The following TSHZ3 variants were observed in gnomAD, a reference collection of about 807,000 sequenced individuals.
TSHZ3 encodes teashirt homolog 3.
A neutral mutation model predicts 64.5 loss-of-function variants in TSHZ3; 10 were observed. The ratio of observed to expected loss-of-function variants is 0.16; its 90% CI spans 0.10 to 0.26. The LOEUF (loss-of-function observed/expected upper bound fraction) is 0.26. Among genes scored for constraint, TSHZ3 ranks in the 10% least tolerant of loss-of-function variants. The pLI is 1.00. For synonymous variants in TSHZ3, 608 were observed against 593.1 expected (o/e 1.03, Z -0.36); for missense variants, 1,242 against 1,421.7 (o/e 0.87, Z 2.03).
chr19:31,187,401 T>G (rs1262236784), intron 5 of TSHZ3, among the ~76,000 whole-genome samples: 3 of 14,028 alleles, frequency 2.1e-4, no homozygotes, highest in Admixed American at 1.5e-3. Context: ...TTAATCGTGT[T>G]TTTTTTTTTA....
intron 3 of TSHZ3, among the ~76,000 whole-genome samples, chr19:31,233,922 TG>T (rs1975573310): frequency 7.2e-6 from 1 of 139,364 alleles, no homozygotes; most frequent in African/African-American, 2.6e-5. Flanking sequence ...AGGGTAACTT[TG>T]TTAATTCCTA....
intron 4 of TSHZ3, among the ~76,000 whole-genome samples, chr19:31,212,112 C>T (rs1369117525): frequency 6.6e-6 from 1 of 151,482 alleles, no homozygotes; most frequent in Non-Finnish European, 1.5e-5. Flanking sequence ...AATGTTAGGG[C>T]AGTCCCTTAC....
chr19:31,187,288 A>C (rs1003922677), intron 5 of TSHZ3, among the ~76,000 whole-genome samples: 15 of 152,174 alleles, frequency 9.9e-5, no homozygotes, highest in Non-Finnish European at 4.4e-5. Context: ...TTTGAGGTTG[A>C]CTTCTTTCAC....
chr19:31,165,106 A>G (rs987034834), intron 5 of TSHZ3, among the ~76,000 whole-genome samples: 3 of 152,180 alleles, frequency 2.0e-5, no homozygotes, highest in African/African-American at 7.2e-5. Context: ...CCAGCCCCGG[A>G]ATCTCCGCTG....
chr19:31,259,774 G>C (rs1028313514), intron 1 of TSHZ3, among the ~76,000 whole-genome samples: 1 of 152,308 alleles, frequency 6.6e-6, no homozygotes, highest in South Asian at 2.1e-4. Context: ...GGGAAGAGGA[G>C]AGAATGGTGG....
exon 3 of TSHZ3, among the ~76,000 whole-genome samples, chr19:31,242,538 C>T (rs2068568306): frequency 1.3e-5 from 2 of 152,006 alleles, no homozygotes; most frequent in Non-Finnish European, 1.5e-5. Flanking sequence ...ACCTGGAGTT[C>T]TGATGTCCAA....
intron 1 of TSHZ3, among the ~76,000 whole-genome samples, chr19:31,336,353 T>G (rs377669791): frequency 6.6e-6 from 1 of 152,186 alleles, no homozygotes; most frequent in Non-Finnish European, 1.5e-5. Flanking sequence ...TTTCAGAATG[T>G]GACGCCAGGT....
intron 4 of TSHZ3, among the ~76,000 whole-genome samples, chr19:31,222,581 AG>A (rs1975405902): frequency 6.6e-6 from 1 of 152,190 alleles, no homozygotes; most frequent in Non-Finnish European, 1.5e-5. Flanking sequence ...CCATGCTCTC[AG>A]GAATATTTCA....
downstream of TSHZ3, among the ~76,000 whole-genome samples, chr19:31,270,833 T>G (rs118098137): frequency 0.021 from 3,245 of 152,324 alleles, 67 homozygotes; most frequent in South Asian, 0.087. Flanking sequence ...TTGTGGATGT[T>G]AATCTCTGGA....
intron 5 of TSHZ3, among the ~76,000 whole-genome samples, chr19:31,185,651 A>G (rs1288404981): frequency 6.6e-6 from 1 of 152,186 alleles, no homozygotes; most frequent in Non-Finnish European, 1.5e-5. Context: ...TCTTCCCCAG[A>G]GACACATTAT....
chr19:31,154,535 A>T (rs1410938947), intron 6 of TSHZ3, among the ~76,000 whole-genome samples: 11 of 152,240 alleles, frequency 7.2e-5, no homozygotes, highest in Non-Finnish European at 1.5e-4. Context: ...AAAATAAGCC[A>T]TGCAGACACT....
intron 1 of TSHZ3, among the ~76,000 whole-genome samples, chr19:31,313,314 A>G (rs1916512463): frequency 6.6e-6 from 1 of 152,232 alleles, no homozygotes; most frequent in South Asian, 2.1e-4. Flanking sequence ...GTTCATAAAT[A>G]TGCTAATAAA....
intron 1 of TSHZ3, among the ~76,000 whole-genome samples, chr19:31,243,644 C>T (rs1054671867): frequency 2.0e-5 from 3 of 152,084 alleles, no homozygotes; most frequent in African/African-American, 7.2e-5. Flanking sequence ...GATGCATGTC[C>T]CACCGACACA....
chr19:31,253,659 G>A (rs1975871653), intron 1 of TSHZ3, among the ~76,000 whole-genome samples: 1 of 152,074 alleles, frequency 6.6e-6, no homozygotes, highest in South Asian at 2.1e-4. Context: ...ATTGCACCCA[G>A]CTGCAAAATG....
At chr19:31,288,047 A>G (rs10410955) in intron 1 of TSHZ3, among the ~76,000 whole-genome samples, 49,036 of 151,988 alleles carry the variant, frequency 0.32, 10,640 homozygotes, top group African/African-American at 0.61. Context: ...CCATCCTCCC[A>G]CCTCAGCCTC....
chr19:31,182,981 T>G (rs1188089370), intron 5 of TSHZ3, among the ~76,000 whole-genome samples: 1 of 152,098 alleles, frequency 6.6e-6, no homozygotes, highest in Non-Finnish European at 1.5e-5. Flanking sequence ...CTCCATAATG[T>G]GGGTGGGCCT....
intron 1 of TSHZ3, among the ~76,000 whole-genome samples, chr19:31,246,946 C>G (rs1975764645): frequency 6.6e-6 from 1 of 151,728 alleles, no homozygotes; most frequent in Non-Finnish European, 1.5e-5. Flanking sequence ...AAATATGAGG[C>G]AAATTTAGCA....
In TSHZ3 at chr19:31,277,862, G is replaced by A; in HGVS notation, c.1931C>T (p.Ser644Phe). ...TTCCCCGACTTCGCTGCTACATGGG[G>A]AGGGAGTGGCCCGCTTGGGCGGGGA... ...KLSPPKRATP[S>F]PCSSEVGEPI... The change falls in exon 2 of 2, where the codon TCC becomes TTC. Residue 644 changes from serine to phenylalanine, a missense_variant. By Grantham distance (155) the Ser-to-Phe change is radical. Coordinates refer to ENST00000240587, the MANE Select transcript of TSHZ3 (RefSeq NM_020856.4). The surrounding 1 kb of genome is among the most constrained non-coding windows in gnomAD (Gnocchi z 4.5). 3 of 1,602,746 alleles carry A rather than the reference G, an allele frequency of 1.9e-6. No homozygotes were observed. Among genetic ancestry groups the A allele is most frequent in the Non-Finnish European group, 2.6e-6 (3 of 1,175,174 alleles).
At chr19:31,158,588 A>T (rs1422279680) in intron 5 of TSHZ3, among the ~76,000 whole-genome samples, 1 of 152,116 alleles carries the variant, frequency 6.6e-6, no homozygotes, top group Non-Finnish European at 1.5e-5. Context: ...AGAGTTGGGG[A>T]TGGTTTCAGG....
Sources: gnomAD v4.1 joint callset for allele counts (sites outside exome capture counted in the v4.1 genomes callset) on GRCh38, gnomAD v4.1.1 for gene constraint, Gnocchi (gnomAD v3.1) non-coding constraint, MANE v1.5 for transcripts, NCBI Gene and HGNC (gene_info 2026-07-23, HGNC 2026-07-21) for gene names.